HIP1: variants seen among roughly 807,000 people sequenced by gnomAD.
The protein encoded by HIP1 is huntingtin interacting protein 1.
HIP1 carries 65 observed loss-of-function variants against 147.6 expected under a neutral mutation model. The observed-to-expected ratio is 0.44, with a 90% CI of 0.36 to 0.54. The LOEUF (loss-of-function observed/expected upper bound fraction) is 0.54, where lower values mean the gene tolerates loss of function less well. Among genes scored for constraint, HIP1 ranks in the 20% least tolerant of loss-of-function variants. The probability of loss-of-function intolerance (pLI) is 0.00; values close to 1 mark genes in which losing one functional copy is unlikely to be tolerated. For missense variants in HIP1, 1,061 were observed against 1,299.6 expected (o/e 0.82, Z 2.82); for synonymous variants, 479 against 504.0 (o/e 0.95, Z 0.67).
chr7:75,605,170 ACT>A (rs1797176651), intron 1 of HIP1, among the ~76,000 whole-genome samples: 1 of 152,192 alleles, frequency 6.6e-6, no homozygotes, highest in East Asian at 1.9e-4. Context: ...AGGTGGAGAA[ACT>A]CACCCAAGGT....
chr7:75,543,501 G>A (rs901770573), intron 27 of HIP1, among the ~76,000 whole-genome samples: 4 of 152,106 alleles, frequency 2.6e-5, no homozygotes, highest in South Asian at 2.1e-4. Context: ...ACAAGTGCCC[G>A]CCACCACACC....
chr7:75,659,926 G>C (rs1021662225), intron 1 of HIP1, among the ~76,000 whole-genome samples: 32 of 151,920 alleles, frequency 2.1e-4, no homozygotes, highest in African/African-American at 7.5e-4. Flanking sequence ...AAGAGATCGA[G>C]ACCATCCTGG....
At chr7:75,558,075 G>A (rs587748426) in intron 15 of HIP1, 92 bp downstream of exon 15, 5 of 966,244 alleles carry the variant, frequency 5.2e-6, no homozygotes, top group African/African-American at 1.6e-5. Context: ...TCAATGTAGG[G>A]GTTGCTGGCC....
intron 1 of HIP1, among the ~76,000 whole-genome samples, chr7:75,629,870 C>A (rs1798156870): frequency 6.6e-6 from 1 of 152,130 alleles, no homozygotes. Context: ...ACAGCTCTTC[C>A]AGGTATCACT....
At chr7:75,563,332 C>G (rs781918666) in intron 9 of HIP1, 69 bp from the exon 10 acceptor site, 1 of 1,465,114 alleles carries the variant, frequency 6.8e-7, no homozygotes, top group Non-Finnish European at 9.5e-7. Flanking sequence ...ACAGAGCAGC[C>G]ACCTGGCTTT....
intron 1 of HIP1, among the ~76,000 whole-genome samples, chr7:75,667,691 A>G (rs1233657775): frequency 6.6e-6 from 1 of 152,182 alleles, no homozygotes; most frequent in East Asian, 1.9e-4. Flanking sequence ...AGGTCTCACT[A>G]TGTTGCCCAG....
At chr7:75,632,016 CT>C (rs1273903751) in intron 1 of HIP1, among the ~76,000 whole-genome samples, 4 of 152,140 alleles carry the variant, frequency 2.6e-5, no homozygotes, top group Non-Finnish European at 1.5e-5. Flanking sequence ...GACTTAGCCC[CT>C]GACCAGAAGT....
At chr7:75,556,005 G>A (rs1794989622) in intron 18 of HIP1, 21 bp downstream of exon 18, 9 of 1,613,148 alleles carry the variant, frequency 5.6e-6, no homozygotes, top group Admixed American at 1.7e-5. Context: ...GTGCTCGCTC[G>A]TGTCCATGTC....
At chr7:75,582,379 T>C (rs1796089458) in intron 5 of HIP1, among the ~76,000 whole-genome samples, 1 of 152,102 alleles carries the variant, frequency 6.6e-6, no homozygotes, top group Non-Finnish European at 1.5e-5. Context: ...GAAAAATCGC[T>C]GGTATCATCA....
chr7:75,628,443 A>G (rs13223616), intron 1 of HIP1, among the ~76,000 whole-genome samples: 17,061 of 150,962 alleles, frequency 0.11, 1,408 homozygotes, highest in African/African-American at 0.23. Context: ...TATTAACATT[A>G]ATCTAATATT....
At position 75,682,341 on chromosome 7, in the gene HIP1, C is replaced by T. The variant is rs188404526; in HGVS notation, c.120+56460G>A. ...GTGCGATCATAGCTCACTGCAGCCT[C>T]GAACTCCTGGGCTCAAGCGATCCTC... On this transcript the variant is annotated intron_variant, in intron 1 of 30. Transcript: ENST00000336926. 5.3e-5 allele frequency among the ~76,000 whole-genome samples: 8 copies of T among 151,836 alleles called. No individual in the cohort carries two copies. In the East Asian group the frequency reaches 1.2e-3, roughly 22 times the overall value.
At chr7:75,712,731 C>A (rs1489899397) in intron 1 of HIP1, among the ~76,000 whole-genome samples, 2 of 152,188 alleles carry the variant, frequency 1.3e-5, no homozygotes, top group Admixed American at 1.3e-4. Flanking sequence ...CTGATTTACT[C>A]ACTCATTCAA....
intron 1 of HIP1, among the ~76,000 whole-genome samples, chr7:75,690,816 C>T (rs541852425): frequency 5.9e-5 from 9 of 151,986 alleles, no homozygotes; most frequent in Non-Finnish European, 7.4e-5. Flanking sequence ...GAGCCGAGAT[C>T]GCGCCATTTG....
chr7:75,696,235 A>T (rs1312226953), intron 1 of HIP1, among the ~76,000 whole-genome samples: 7 of 146,630 alleles, frequency 4.8e-5, no homozygotes, highest in Admixed American at 4.1e-4. Flanking sequence ...CTATCCACCC[A>T]CTTCGGCTTC....
At chr7:75,654,206 T>G (rs1799078297) in intron 1 of HIP1, among the ~76,000 whole-genome samples, 1 of 151,970 alleles carries the variant, frequency 6.6e-6, no homozygotes, top group African/African-American at 2.4e-5. Context: ...ACCAGCCTGG[T>G]CAACATGATG....
intron 7 of HIP1, among the ~76,000 whole-genome samples, chr7:75,578,564 G>C (rs1483714220): frequency 6.6e-6 from 1 of 152,148 alleles, no homozygotes; most frequent in Non-Finnish European, 1.5e-5. Context: ...CGTAGTCCCA[G>C]CTACTTGGGA....
At chr7:75,591,510 T>C (rs1480506943) in intron 4 of HIP1, among the ~76,000 whole-genome samples, 1 of 151,998 alleles carries the variant, frequency 6.6e-6, no homozygotes, top group Non-Finnish European at 1.5e-5. Flanking sequence ...AAGAAAAAGC[T>C]CTGGCATTAA....
chr7:75,664,954 A>G (rs1355525540), intron 1 of HIP1, among the ~76,000 whole-genome samples: 4 of 152,082 alleles, frequency 2.6e-5, no homozygotes, highest in African/African-American at 9.7e-5. Context: ...GGGAAAGAAG[A>G]GACTAATTTG....
At chr7:75,655,550 C>T (rs1554512506) in intron 1 of HIP1, among the ~76,000 whole-genome samples, 1 of 151,444 alleles carries the variant, frequency 6.6e-6, no homozygotes, top group Non-Finnish European at 1.5e-5. Flanking sequence ...CCACTGCACT[C>T]CAGCCTGGGT....
Sources: gnomAD v4.1 joint callset for allele counts (sites outside exome capture counted in the v4.1 genomes callset) on GRCh38, gnomAD v4.1.1 for gene constraint, MANE v1.5 for transcripts, NCBI Gene and HGNC (gene_info 2026-07-23, HGNC 2026-07-21) for gene names.